CNTN5: variants seen among roughly 807,000 people sequenced by gnomAD.
CNTN5 encodes the protein contactin 5.
In CNTN5, 77 loss-of-function variants were observed where a neutral mutation model predicts 129.1. That is an observed-to-expected ratio of 0.60 (90% CI 0.50 to 0.72). CNTN5 has a LOEUF of 0.72. Among genes scored for constraint, CNTN5 ranks in the 30% least tolerant of loss-of-function variants. The pLI is 0.00. For missense variants in CNTN5, 1,478 were observed against 1,328.8 expected (o/e 1.11, Z -1.75); for synonymous variants, 509 against 465.6 (o/e 1.09, Z -1.20).
At chr11:99,194,341 A>T (rs2135600031) in intron 1 of CNTN5, among the ~76,000 whole-genome samples, 1 of 152,284 alleles carries the variant, frequency 6.6e-6, no homozygotes, top group East Asian at 1.9e-4. Context: ...AAGATGAGAT[A>T]AAAACCTTAA....
chr11:99,551,409 C>T lies in CNTN5; in HGVS notation c.-70-4736C>T, dbSNP rs76999451. 4.9e-3 allele frequency among the ~76,000 whole-genome samples: 742 copies of T among 152,182 alleles called. 25 individuals carry two copies. The East Asian group carries it at 0.094, about 19-fold the overall frequency. ...CAGGGATTGCTTTGGAATCTTAAGA[C>T]GTGATGGAGCTTAAGGGTTAACATT... On this transcript the variant is annotated intron_variant, in intron 2 of 24. Coordinates refer to ENST00000524871, the MANE Select transcript of CNTN5 (RefSeq NM_014361.4).
At chr11:99,657,518 C>G (rs1358584688) in intron 3 of CNTN5, among the ~76,000 whole-genome samples, 1 of 152,036 alleles carries the variant, frequency 6.6e-6, no homozygotes, top group Admixed American at 6.6e-5. Flanking sequence ...AAGGGATTCA[C>G]TCAACTGATT....
intron 2 of CNTN5, among the ~76,000 whole-genome samples, chr11:99,388,634 T>C (rs1941060836): frequency 6.6e-6 from 1 of 152,134 alleles, no homozygotes; most frequent in African/African-American, 2.4e-5. Context: ...CAGTGTGGAA[T>C]CTACTGCCAC....
chr11:99,458,116 T>A (rs1293021086), intron 2 of CNTN5, among the ~76,000 whole-genome samples: 1 of 151,986 alleles, frequency 6.6e-6, no homozygotes, highest in African/African-American at 2.4e-5. Context: ...GTATTGCATC[T>A]GTTAATGAGA....
intron 3 of CNTN5, among the ~76,000 whole-genome samples, chr11:99,681,309 AAAC>A (rs1953539619): frequency 6.6e-6 from 1 of 151,318 alleles, no homozygotes; most frequent in African/African-American, 2.4e-5. Context: ...AAATGCTATC[AAAC>A]AGCATAGCAT....
chr11:99,885,840 G>A (rs926671305), intron 6 of CNTN5, among the ~76,000 whole-genome samples: 6 of 152,096 alleles, frequency 3.9e-5, no homozygotes, highest in African/African-American at 1.4e-4. Flanking sequence ...CAATGAAATT[G>A]AAAATGTTGC....
chr11:100,242,629 G>C (rs1043984651), intron 16 of CNTN5, among the ~76,000 whole-genome samples: 1 of 152,070 alleles, frequency 6.6e-6, no homozygotes, highest in African/African-American at 2.4e-5. Flanking sequence ...CAGATCTCAG[G>C]AGAACTCACC....
chr11:99,215,927 G>A (rs183643182), intron 1 of CNTN5, among the ~76,000 whole-genome samples: 531 of 152,134 alleles, frequency 3.5e-3, no homozygotes, highest in African/African-American at 0.012. Context: ...ATATTCATGC[G>A]GTGCATGTGA....
intron 18 of CNTN5, among the ~76,000 whole-genome samples, chr11:100,286,867 A>T (rs942907761): frequency 4.9e-4 from 74 of 151,666 alleles, no homozygotes; most frequent in Non-Finnish European, 9.3e-4. Flanking sequence ...AAAAAAATTT[A>T]GAAGAATGTA....
At chr11:100,007,495 C>T (rs1444950432) in intron 9 of CNTN5, among the ~76,000 whole-genome samples, 1 of 152,074 alleles carries the variant, frequency 6.6e-6, no homozygotes, top group Non-Finnish European at 1.5e-5. Context: ...TCAGCACTTG[C>T]TACTTCACCT....
intron 1 of CNTN5, among the ~76,000 whole-genome samples, chr11:99,104,948 G>A (rs910169890): frequency 1.3e-5 from 2 of 152,174 alleles, no homozygotes; most frequent in African/African-American, 4.8e-5. Flanking sequence ...AATGTTCCCT[G>A]TTGGTGAGGA....
At chr11:99,149,240 A>G (rs1859931384) in intron 1 of CNTN5, among the ~76,000 whole-genome samples, 1 of 152,158 alleles carries the variant, frequency 6.6e-6, no homozygotes, top group South Asian at 2.1e-4. Context: ...CTTGTGTGTC[A>G]TCAACAAGGC....
chr11:100,087,825 G>C (rs1041790957), intron 13 of CNTN5, among the ~76,000 whole-genome samples: 4 of 151,782 alleles, frequency 2.6e-5, no homozygotes, highest in Admixed American at 2.0e-4. Context: ...ATACATTCTT[G>C]TCATCTGCAC....
chr11:99,139,785 T>A (rs4753945), intron 1 of CNTN5, among the ~76,000 whole-genome samples: 10,427 of 152,252 alleles, frequency 0.068, 844 homozygotes, highest in East Asian at 0.34. Context: ...GAATGAATGA[T>A]CTTTTAAAAT....
In CNTN5 at chr11:99,682,084, G is replaced by T. The variant is rs566467652; in HGVS notation, c.55+125815G>T. Among the ~76,000 whole-genome samples the T allele has an allele frequency of 5.3e-5, 8 of 151,956 alleles. 1 individual carries two copies. The South Asian group carries it at 1.7e-3, about 32-fold the overall frequency. On this transcript the variant is annotated intron_variant, in intron 3 of 24. Transcript: ENST00000524871. ...AGAAAAAGAATATGCAAGAACCAAG[G>T]AACATTATATACACAAATTGTTTAT...
At chr11:99,778,282 T>C (rs1450730798) in intron 3 of CNTN5, among the ~76,000 whole-genome samples, 3 of 151,786 alleles carry the variant, frequency 2.0e-5, no homozygotes, top group African/African-American at 7.2e-5. Context: ...TATTAAAGAC[T>C]GAGAAGTGTT....
chr11:99,473,276 A>G (rs1945245473), intron 2 of CNTN5, among the ~76,000 whole-genome samples: 1 of 152,154 alleles, frequency 6.6e-6, no homozygotes, highest in African/African-American at 2.4e-5. Context: ...TTTCCTTGGT[A>G]TCTGTAGACT....
At chr11:99,701,929 T>C (rs1219747675) in intron 3 of CNTN5, among the ~76,000 whole-genome samples, 1 of 151,040 alleles carries the variant, frequency 6.6e-6, no homozygotes, top group Non-Finnish European at 1.5e-5. Context: ...TGTCTGATTC[T>C]ACTGTGAAAA....
At chr11:99,318,922 T>TATTA (rs1220674682) in intron 1 of CNTN5, among the ~76,000 whole-genome samples, 4 of 152,216 alleles carry the variant, frequency 2.6e-5, no homozygotes, top group African/African-American at 9.6e-5. Flanking sequence ...GAAGGTTTGG[T>TATTA]ATTAATTGAA....
Sources: gnomAD v4.1 joint callset for allele counts (sites outside exome capture counted in the v4.1 genomes callset) on GRCh38, gnomAD v4.1.1 for gene constraint, MANE v1.5 for transcripts, NCBI Gene and HGNC (gene_info 2026-07-23, HGNC 2026-07-21) for gene names.